RAPH1: variants seen among roughly 807,000 people sequenced by gnomAD.
RAPH1 encodes the protein Ras association (RalGDS/AF-6) and pleckstrin homology domains 1, also known as ras-associated and pleckstrin homology domains-containing protein 1.
A neutral mutation model predicts 88.1 loss-of-function variants in RAPH1; 18 were observed. The observed-to-expected ratio is 0.20, with a 90% CI of 0.14 to 0.30. RAPH1 has a LOEUF of 0.30. Ranked by LOEUF, RAPH1 falls within the 10% of genes least tolerant of loss-of-function variation. The probability of loss-of-function intolerance (pLI) is 1.00; values close to 1 mark genes in which losing one functional copy is unlikely to be tolerated. For synonymous variants in RAPH1, 587 were observed against 559.0 expected, an observed-to-expected ratio of 1.05 and a Z score of -0.71; for missense variants, 1,448 against 1,543.2, an observed-to-expected ratio of 0.94 and a Z score of 1.03.
intron 4 of RAPH1, among the ~76,000 whole-genome samples, chr2:203,470,693 G>A (rs1042255595): frequency 5.9e-5 from 9 of 152,196 alleles, no homozygotes; most frequent in Non-Finnish European, 1.3e-4. Flanking sequence ...CCTTTCTCTT[G>A]TTAAAGCCTA....
In RAPH1 at chr2:203,448,708, A is replaced by C. The variant is rs745702300; in HGVS notation, c.1512+30T>G. The C allele has an allele frequency of 7.7e-6, 11 of 1,432,388 alleles. No individual in the cohort carries two copies. The South Asian group carries it at 1.3e-4, about 18-fold the overall frequency. The allele number at this position is 1,432,388 out of a possible 1,614,324, so 88.7% of individuals were successfully genotyped here. A position where few individuals can be genotyped will look rare whatever the true frequency, so the allele number is the denominator to read the frequency against. On this transcript the variant is annotated intron_variant, in intron 11 of 13. Coordinates refer to ENST00000319170, the MANE Select transcript of RAPH1 (RefSeq NM_213589.3). This position sits in a 1 kb window ranked among gnomAD's most constrained non-coding sequence, Gnocchi z 4.1. ...CTATATCATCGACAAACACCTCATT[A>C]TTCCATCATCAAATCAAAAGGAGAC...
In RAPH1 at chr2:203,520,634, G is replaced by GA. The variant is rs1232573881; in HGVS notation, c.-1+14476dup. 2.9e-3 allele frequency among the ~76,000 whole-genome samples: 397 copies of GA among 135,652 alleles called. 1 individual carries two copies. Among genetic ancestry groups the GA allele is most frequent in the East Asian group, 4.1e-3 (19 of 4,676 alleles). The allele number at this position is 135,652 out of a possible 152,430, so 89.0% of individuals were successfully genotyped here. Reference sequence around the variant, plus strand: ...AAGAGTGAAGCTCTGTCTCAAAAAGGAAAAAAAAAAAACTACAGAACTCCT... The same window carrying GA: ...AAGAGTGAAGCTCTGTCTCAAAAAGGAAAAAAAAAAAAACTACAGAACTCCT... On this transcript the variant is annotated intron_variant, in intron 1 of 13. Coordinates refer to ENST00000319170, the MANE Select transcript of RAPH1 (RefSeq NM_213589.3).
Position 203,440,944 on chromosome 2 carries a change from A to G in RAPH1, c.2246T>C (p.Ile749Thr), listed in dbSNP as rs1314199585. 6.4e-7 allele frequency: 1 copy of G among 1,565,826 alleles called. No homozygotes were observed. The highest frequency in any genetic ancestry group is 1.8e-5 in the Admixed American group (1 of 56,748). The change falls in exon 14 of 14, where the codon ATC becomes ACC. Residue 749 changes from isoleucine to threonine, a missense_variant. Ile to Thr is a moderately conservative substitution (Grantham distance 89, BLOSUM62 -1). This residue lies in a region of RAPH1 where 935 missense variants were observed against 890.1 expected (regional missense o/e 1.05). Coordinates refer to ENST00000319170, the MANE Select transcript of RAPH1 (RefSeq NM_213589.3). ...QFSAPPPPLK[I>T]HQVQHITQVA... The stretch of plus-strand genomic sequence containing the variant: ...CTGAGTAATATGCTGAACTTGATGG[A>G]TCTTCAGTGGAGGAGGCGGGGCACT...
rs765128823 is a variant in RAPH1 at position 203,455,473 on chromosome 2, T to C, written c.1266A>G (p.Ala422=). The C allele has an allele frequency of 6.2e-7, 1 of 1,614,016 alleles. No homozygotes were observed. Among genetic ancestry groups the C allele is most frequent in the South Asian group, 1.1e-5 (1 of 91,054 alleles). Residue 422 remains alanine, a synonymous_variant, in exon 9 of 14, where the codon GCA becomes GCG. Transcript: ENST00000319170. The part of the protein sequence containing the change: ...SWKKRYFLLR[A]SGIYYVPKGK... ...CTTTGGGAACATAGTAGATACCAGA[T>C]GCTCGCAAGAGAAAATAACGCTTTT...
rs1266798142 is a variant in RAPH1, at chr2:203,438,879, G to A, written c.*558C>T. On this transcript the variant is annotated 3_prime_UTR_variant, in exon 14 of 14. Coordinates refer to ENST00000319170, the MANE Select transcript of RAPH1 (RefSeq NM_213589.3). ...GCCCCTTCATGTATAGCAATGAAGTGTCAGTCAAGCAATTCTAACTTCAGC... is the reference window on the plus strand; with the variant it reads ...GCCCCTTCATGTATAGCAATGAAGTATCAGTCAAGCAATTCTAACTTCAGC... 6.5e-6 allele frequency: 1 copy of A among 154,600 alleles called. No individual in the cohort carries two copies. The highest frequency in any genetic ancestry group is 2.4e-5 in the African/African-American group (1 of 41,438). The allele number at this position is 154,600 out of a possible 1,614,324, so 9.6% of individuals were successfully genotyped here.
intron 10 of RAPH1, among the ~76,000 whole-genome samples, chr2:203,450,160 C>T (rs1457257857): frequency 6.6e-6 from 1 of 151,862 alleles, no homozygotes; most frequent in African/African-American, 2.4e-5. Context: ...GTTTTCAATC[C>T]ATCAAGAATA....
chr2:203,498,963 A>C lies in RAPH1; in HGVS notation c.1-3610T>G, dbSNP rs549086855. 7.2e-5 allele frequency among the ~76,000 whole-genome samples: 11 copies of C among 152,276 alleles called. No individual in the cohort carries two copies. The South Asian group carries it at 2.3e-3, about 32-fold the overall frequency. The stretch of plus-strand genomic sequence containing the variant: ...ATTGTCTATAGTGTTCAGTACAGTA[A>C]CATGCTGTACAGGTTGTAGCCTAGG... On this transcript the variant is annotated intron_variant, in intron 1 of 13. Coordinates refer to ENST00000319170, the MANE Select transcript of RAPH1 (RefSeq NM_213589.3).
rs538616216 is a variant in RAPH1, at chr2:203,482,335, G to A, written c.732+7249C>T. On this transcript the variant is annotated intron_variant, in intron 4 of 13. Coordinates refer to ENST00000319170, the MANE Select transcript of RAPH1 (RefSeq NM_213589.3). Reference sequence around the variant, plus strand: ...CAAGTAGCTGGGATTACAGGTGCCCGCCACCATGCCTGGCTAATTTATGTA... The same window carrying A: ...CAAGTAGCTGGGATTACAGGTGCCCACCACCATGCCTGGCTAATTTATGTA... Among the ~76,000 whole-genome samples the A allele has an allele frequency of 1.6e-4, 24 of 152,106 alleles. No individual in the cohort carries two copies. The South Asian group carries it at 1.9e-3, about 12-fold the overall frequency.
At chr2:203,468,686 T>G (rs1022214137) in intron 4 of RAPH1, among the ~76,000 whole-genome samples, 2 of 152,168 alleles carry the variant, frequency 1.3e-5, no homozygotes, top group Non-Finnish European at 2.9e-5. Flanking sequence ...TCCCAGCACC[T>G]GGCAGTTCAT....
chr2:203,517,310 C>T (rs1689658161), intron 1 of RAPH1, among the ~76,000 whole-genome samples: 1 of 124,626 alleles, frequency 8.0e-6, no homozygotes, highest in African/African-American at 3.1e-5. Context: ...GATGACATTA[C>T]ATCCTGAATG....
At chr2:203,483,558 A>G (rs1449867143) in intron 4 of RAPH1, among the ~76,000 whole-genome samples, 3 of 152,208 alleles carry the variant, frequency 2.0e-5, no homozygotes, top group African/African-American at 7.2e-5. Flanking sequence ...AATTTGAGCA[A>G]TCTATTTATG....
rs188926157 is a variant in RAPH1, at chr2:203,527,328, A to G, written c.-1+7783T>C. ...AGAATCACACACCATACAAAGTAAC[A>G]TAAGTATTCTGGTATTAAATAATTG... On this transcript the variant is annotated intron_variant, in intron 1 of 13. Transcript: ENST00000319170. Among the ~76,000 whole-genome samples the G allele has an allele frequency of 1.2e-4, 18 of 152,254 alleles. No homozygotes were observed. In the East Asian group the frequency reaches 2.3e-3, roughly 20 times the overall value.
chr2:203,452,723 A>C (rs906345058), intron 10 of RAPH1, among the ~76,000 whole-genome samples: 3 of 152,230 alleles, frequency 2.0e-5, no homozygotes, highest in Non-Finnish European at 4.4e-5. Flanking sequence ...GCACTTCAGC[A>C]GACTGAGGCA....
Position 203,489,713 on chromosome 2 carries a change from T to G in RAPH1, c.603A>C (p.Val201=). The G allele has an allele frequency of 6.2e-7, 1 of 1,614,180 alleles. No homozygotes were observed. The highest frequency in any genetic ancestry group is 8.5e-7 in the Non-Finnish European group (1 of 1,180,032). The change falls in exon 4 of 14, where the codon GTA becomes GTC. Residue 201 remains valine, a synonymous_variant. Transcript: ENST00000319170. ...ASAGTVSDAE[V]HSISNSSHSS... is the part of the protein sequence containing the mutation. Reference sequence around the variant, plus strand: ...AATGGGAGGAATTACTAATAGAGTGTACTTCAGCATCACTCACTGTGCCTG... The same window carrying G: ...AATGGGAGGAATTACTAATAGAGTGGACTTCAGCATCACTCACTGTGCCTG...
chr2:203,455,015 A>AAT (rs1429429414), intron 9 of RAPH1, among the ~76,000 whole-genome samples: 13 of 152,324 alleles, frequency 8.5e-5, no homozygotes, highest in African/African-American at 2.6e-4. Context: ...AATACTGTAA[A>AAT]AAAGTTTAAA....
At chr2:203,469,923 T>C (rs926012401) in intron 4 of RAPH1, among the ~76,000 whole-genome samples, 1 of 152,214 alleles carries the variant, frequency 6.6e-6, no homozygotes, top group Admixed American at 6.5e-5. Flanking sequence ...CAGTAAAAGT[T>C]ACAATTAAAG....
intron 2 of RAPH1, among the ~76,000 whole-genome samples, chr2:203,494,206 G>A (rs182744406): frequency 2.6e-5 from 4 of 151,970 alleles, no homozygotes; most frequent in East Asian, 3.9e-4. Context: ...TCATACCTAC[G>A]CAATTTTACA....
In RAPH1 at chr2:203,495,808, G is replaced by C. The variant is rs149318713; in HGVS notation, c.1-455C>G. Reference sequence around the variant, plus strand: ...CCAATAGGTACCCTGCAAAACCTTAGTCCAACAAGTATTTAAGAGAAAATT... The same window carrying C: ...CCAATAGGTACCCTGCAAAACCTTACTCCAACAAGTATTTAAGAGAAAATT... On this transcript the variant is annotated intron_variant, in intron 1 of 13. Coordinates refer to ENST00000319170, the MANE Select transcript of RAPH1 (RefSeq NM_213589.3). Among the ~76,000 whole-genome samples the C allele has an allele frequency of 1.8e-3, 267 of 152,234 alleles. 4 individuals are homozygous for C. Among genetic ancestry groups the C allele is most frequent in the African/African-American group, 6.2e-3 (258 of 41,544 alleles).
intron 1 of RAPH1, among the ~76,000 whole-genome samples, chr2:203,504,670 TAA>T (rs566237475): frequency 1.1e-4 from 15 of 141,090 alleles, no homozygotes; most frequent in African/African-American, 1.0e-4. Flanking sequence ...GAATTTCTCC[TAA>T]AAAAAAAAAA....
Sources: gnomAD v4.1 joint callset for allele counts (sites outside exome capture counted in the v4.1 genomes callset) on GRCh38, gnomAD v4.1.1 for gene constraint, gnomAD v4.1.1 regional missense constraint, Gnocchi (gnomAD v3.1) non-coding constraint, MANE v1.5 for transcripts, NCBI Gene and HGNC (gene_info 2026-07-23, HGNC 2026-07-21) for gene names.